The following CNTNAP5 variants were observed in gnomAD, a reference collection of about 807,000 sequenced individuals.
The protein encoded by CNTNAP5 is contactin-associated protein-like 5.
A neutral mutation model predicts 150.2 loss-of-function variants in CNTNAP5; 72 were observed. The ratio of observed to expected loss-of-function variants is 0.48; its 90% CI spans 0.40 to 0.58. CNTNAP5 has a LOEUF of 0.58. Among genes scored for constraint, CNTNAP5 ranks in the 20% least tolerant of loss-of-function variants. CNTNAP5 has a pLI of 0.00. For missense variants in CNTNAP5, 1,636 were observed against 1,626.2 expected (o/e 1.01, Z -0.10); for synonymous variants, 672 against 619.8 (o/e 1.08, Z -1.25).
intron 2 of CNTNAP5, among the ~76,000 whole-genome samples, chr2:124,234,026 A>G (rs950849616): frequency 6.6e-6 from 1 of 152,076 alleles, no homozygotes; most frequent in Non-Finnish European, 1.5e-5. Context: ...AAAAAAATGT[A>G]AGTGGTAATG....
intron 11 of CNTNAP5, among the ~76,000 whole-genome samples, chr2:124,581,831 G>A (rs1199031213): frequency 6.6e-6 from 1 of 152,108 alleles, no homozygotes; most frequent in Non-Finnish European, 1.5e-5. Flanking sequence ...GCATCCCCAG[G>A]AAGAGAAAGA....
intron 11 of CNTNAP5, among the ~76,000 whole-genome samples, chr2:124,582,557 C>G (rs1445803584): frequency 1.3e-5 from 2 of 152,166 alleles, no homozygotes; most frequent in African/African-American, 4.8e-5. Context: ...GGGACACATC[C>G]CTGCAAAAGG....
rs1678849866 is a variant in CNTNAP5 at position 124,920,394 on chromosome 2, C to T, written c.*6106C>T. On this transcript the variant is annotated 3_prime_UTR_variant, in exon 24 of 24. Coordinates refer to ENST00000682447, the MANE Select transcript of CNTNAP5 (RefSeq NM_001367498.1). ...GGGCATACTTTCCCATCAGAGTCAG[C>T]CTCTATCACAAACATTTTACATGAA... Among the ~76,000 whole-genome samples, 1 of 152,244 alleles carries T rather than the reference C, an allele frequency of 6.6e-6. No homozygotes were observed. The highest frequency in any genetic ancestry group is 1.9e-4 in the East Asian group (1 of 5,172).
intron 21 of CNTNAP5, among the ~76,000 whole-genome samples, chr2:124,899,318 T>C (rs1002053742): frequency 1.3e-5 from 2 of 151,472 alleles, no homozygotes; most frequent in Non-Finnish European, 2.9e-5. Context: ...GAAACAGATA[T>C]CATATGGGCA....
At chr2:124,180,560 A>G (rs1487548106) in intron 1 of CNTNAP5, among the ~76,000 whole-genome samples, 1 of 152,200 alleles carries the variant, frequency 6.6e-6, no homozygotes, top group Non-Finnish European at 1.5e-5. Context: ...ATCTACATAA[A>G]TTGAAAATAA....
At chr2:124,237,300 C>G (rs1363694603) in intron 2 of CNTNAP5, among the ~76,000 whole-genome samples, 2 of 152,002 alleles carry the variant, frequency 1.3e-5, no homozygotes, top group African/African-American at 4.8e-5. Context: ...CATTTTGTGC[C>G]CATTTCCAGT....
intron 10 of CNTNAP5, 102 bp downstream of exon 10, chr2:124,527,558 C>A (rs1161391811): frequency 2.3e-6 from 2 of 867,950 alleles, no homozygotes; most frequent in African/African-American, 3.4e-5. Context: ...CGACATTAGC[C>A]ACATTAGACA....
chr2:124,150,322 GA>G (rs1684375691), intron 1 of CNTNAP5, among the ~76,000 whole-genome samples: 2 of 152,112 alleles, frequency 1.3e-5, no homozygotes, highest in Non-Finnish European at 2.9e-5. Context: ...TCTGTTTATC[GA>G]TTTTGTGCAT....
chr2:124,576,232 A>G (rs1051152707), intron 11 of CNTNAP5, among the ~76,000 whole-genome samples: 2 of 152,112 alleles, frequency 1.3e-5, no homozygotes, highest in Non-Finnish European at 2.9e-5. Context: ...CGGGACATGC[A>G]ACTGAGTTTA....
At chr2:124,553,457 T>A (rs1695677796) in intron 10 of CNTNAP5, among the ~76,000 whole-genome samples, 1 of 144,732 alleles carries the variant, frequency 6.9e-6, no homozygotes, top group Non-Finnish European at 1.5e-5. Flanking sequence ...TGAGCCGAAA[T>A]CATGCCACTG....
intron 21 of CNTNAP5, among the ~76,000 whole-genome samples, chr2:124,870,513 A>G (rs1190981087): frequency 6.6e-6 from 1 of 151,886 alleles, no homozygotes; most frequent in Non-Finnish European, 1.5e-5. Context: ...TGGCAAATGT[A>G]GGTCCTTCTA....
At chr2:124,449,995 A>G (rs1417142094) in intron 6 of CNTNAP5, among the ~76,000 whole-genome samples, 1 of 152,116 alleles carries the variant, frequency 6.6e-6, no homozygotes, top group South Asian at 2.1e-4. Context: ...AGTCATCCAG[A>G]AGCAAGATCC....
chr2:124,211,842 T>G (rs914296583), intron 1 of CNTNAP5, among the ~76,000 whole-genome samples: 3 of 152,164 alleles, frequency 2.0e-5, no homozygotes, highest in Non-Finnish European at 4.4e-5. Context: ...CCATGCAAGA[T>G]GAAAAAGGTT....
Position 124,896,102 on chromosome 2 carries a change from A to T in CNTNAP5, c.3437-6780A>T, listed in dbSNP as rs951566263. ...CAAAATGCTGAGAATAATGAAGAGG[A>T]ATATTCCCTGTGCACTCCTGGCAAA... On this transcript the variant is annotated intron_variant, in intron 21 of 23. Coordinates refer to ENST00000682447, the MANE Select transcript of CNTNAP5 (RefSeq NM_001367498.1). Among the ~76,000 whole-genome samples the T allele has an allele frequency of 1.6e-4, 24 of 151,570 alleles. 1 individual carries two copies. The highest frequency in any genetic ancestry group is 5.9e-4 in the African/African-American group (24 of 40,890).
rs942492688 is a variant in CNTNAP5, at chr2:124,249,517, A to G, written c.381+7124A>G. 2.0e-5 allele frequency among the ~76,000 whole-genome samples: 3 copies of G among 152,354 alleles called. No homozygotes were observed. The East Asian group carries it at 5.8e-4, about 29-fold the overall frequency. ...TTCCATTAATCCCAGGACTTCAGATAAACTCAACCAATTGTTAACCAGAAA... is the reference window on the plus strand; with the variant it reads ...TTCCATTAATCCCAGGACTTCAGATGAACTCAACCAATTGTTAACCAGAAA... On this transcript the variant is annotated intron_variant, in intron 3 of 23. Coordinates refer to ENST00000682447, the MANE Select transcript of CNTNAP5 (RefSeq NM_001367498.1).
At chr2:124,211,412 G>C (rs1485784232) in intron 1 of CNTNAP5, among the ~76,000 whole-genome samples, 1 of 152,156 alleles carries the variant, frequency 6.6e-6, no homozygotes, top group East Asian at 1.9e-4. Flanking sequence ...AGAAAACTGA[G>C]ATTAATTAAC....
chr2:124,785,827 T>TTGAAATTATG (rs1176036506), intron 17 of CNTNAP5, among the ~76,000 whole-genome samples: 1 of 152,196 alleles, frequency 6.6e-6, no homozygotes, highest in Non-Finnish European at 1.5e-5. Context: ...TTGCATTAAT[T>TTGAAATTATG]CTAGCCACAA....
At chr2:124,305,274 AAACAG>A in intron 3 of CNTNAP5, among the ~76,000 whole-genome samples, 1 of 152,130 alleles carries the variant, frequency 6.6e-6, no homozygotes, top group East Asian at 1.9e-4. Flanking sequence ...TAAAAAAAAA[AAACAG>A]ACAAACAAAA....
intron 3 of CNTNAP5, among the ~76,000 whole-genome samples, chr2:124,405,372 G>T (rs972454660): frequency 1.3e-5 from 2 of 152,190 alleles, no homozygotes; most frequent in African/African-American, 4.8e-5. Context: ...CCTAGCAAGT[G>T]CCTGGCATGG....
Sources: gnomAD v4.1 joint callset for allele counts (sites outside exome capture counted in the v4.1 genomes callset) on GRCh38, gnomAD v4.1.1 for gene constraint, MANE v1.5 for transcripts, NCBI Gene and HGNC (gene_info 2026-07-23, HGNC 2026-07-21) for gene names.